SORCS2: variants seen among roughly 807,000 people sequenced by gnomAD.
SORCS2 encodes the protein sortilin related VPS10 domain containing receptor 2.
Under a neutral mutation model 141.6 loss-of-function variants are expected in SORCS2, and 100 were observed. The ratio of observed to expected loss-of-function variants is 0.71; its 90% confidence interval spans 0.60 to 0.83. SORCS2 has a LOEUF of 0.83. SORCS2 is among the 40% of genes least tolerant of loss of function. The pLI, the probability that SORCS2 is intolerant of heterozygous loss-of-function variation, is 0.00. For synonymous variants in SORCS2, 789 were observed against 676.9 expected, an observed-to-expected ratio of 1.17 and a Z score of -2.57; for missense variants, 1,646 against 1,560.2, an observed-to-expected ratio of 1.05 and a Z score of -0.93.
At chr4:7,562,739 T>C (rs182160583) in intron 3 of SORCS2, among the ~76,000 whole-genome samples, 2 of 152,232 alleles carry the variant, frequency 1.3e-5, no homozygotes, top group Non-Finnish European at 2.9e-5. Flanking sequence ...CCCAGGGCAG[T>C]TTCCTTCCTT....
chr4:7,401,894 T>C (rs1203640175), intron 2 of SORCS2, among the ~76,000 whole-genome samples: 1 of 152,134 alleles, frequency 6.6e-6, no homozygotes, highest in Admixed American at 6.5e-5. Context: ...TTTTTCGTTA[T>C]CTTCACTTTA....
At chr4:7,490,197 G>A (rs141706453) in intron 2 of SORCS2, among the ~76,000 whole-genome samples, 162 of 152,250 alleles carry the variant, frequency 1.1e-3, no homozygotes, top group African/African-American at 3.7e-3. Context: ...TCTAAGCATC[G>A]CCTGCCTCTG....
chr4:7,461,482 C>T (rs1203937694), intron 2 of SORCS2, among the ~76,000 whole-genome samples: 3 of 152,338 alleles, frequency 2.0e-5, no homozygotes, highest in South Asian at 2.1e-4. Flanking sequence ...AGCACCCCCG[C>T]GAGCAACATG....
intron 1 of SORCS2, among the ~76,000 whole-genome samples, chr4:7,374,667 C>T (rs1722516555): frequency 6.6e-6 from 1 of 152,164 alleles, no homozygotes; most frequent in African/African-American, 2.4e-5. Flanking sequence ...GAGCTGGGGT[C>T]CCCGATCGCT....
chr4:7,306,241 T>C (rs1344014220), intron 1 of SORCS2, among the ~76,000 whole-genome samples: 1 of 151,998 alleles, frequency 6.6e-6, no homozygotes, highest in African/African-American at 2.4e-5. Flanking sequence ...GAGCCCACAG[T>C]CGGCTGGCTG....
rs77094119 is a variant in SORCS2 at position 7,315,611 on chromosome 4, T to C, written c.481-80677T>C. Among the ~76,000 whole-genome samples, 1,006 of 152,328 alleles carry C rather than the reference T, an allele frequency of 6.6e-3. 10 individuals carry two copies. Among genetic ancestry groups the C allele is most frequent in the African/African-American group, 0.023 (967 of 41,574 alleles). On this transcript the variant is annotated intron_variant, in intron 1 of 26. Coordinates refer to ENST00000507866, the MANE Select transcript of SORCS2 (RefSeq NM_020777.3). ...TCTCTCCCACCCTGTGATTTGCTCA[T>C]GTCCTCTTTCCTCCCAGGAGGATCC...
chr4:7,680,153 C>A (rs988540291), intron 9 of SORCS2, among the ~76,000 whole-genome samples: 1 of 152,240 alleles, frequency 6.6e-6, no homozygotes, highest in African/African-American at 2.4e-5. Flanking sequence ...CCTTCAGCTC[C>A]AGACCACACA....
intron 1 of SORCS2, among the ~76,000 whole-genome samples, chr4:7,337,104 C>T (rs946192068): frequency 1.3e-5 from 2 of 152,150 alleles, no homozygotes; most frequent in African/African-American, 2.4e-5. Flanking sequence ...TGTCATGACC[C>T]ACTCCCGTCT....
At chr4:7,564,002 G>C (rs1714781469) in intron 3 of SORCS2, among the ~76,000 whole-genome samples, 1 of 152,192 alleles carries the variant, frequency 6.6e-6, no homozygotes, top group South Asian at 2.1e-4. Context: ...TTCCTCCTTT[G>C]CTTTCCACAT....
At chr4:7,650,790 C>G (rs1435394156) in intron 4 of SORCS2, among the ~76,000 whole-genome samples, 1 of 148,236 alleles carries the variant, frequency 6.7e-6, no homozygotes, top group African/African-American at 2.5e-5. Context: ...CCTCCTCCAT[C>G]AGCTGCACCT....
At chr4:7,432,802 C>G (rs890983022) in intron 2 of SORCS2, 1 of 152,636 alleles carries the variant, frequency 6.6e-6, no homozygotes, top group Non-Finnish European at 1.5e-5. Flanking sequence ...GCAGCCACCC[C>G]CAGGGACTCC....
intron 2 of SORCS2, among the ~76,000 whole-genome samples, chr4:7,454,575 T>C (rs1728739492): frequency 7.9e-6 from 1 of 126,812 alleles, no homozygotes; most frequent in Non-Finnish European, 1.6e-5. Flanking sequence ...TCAGGAGCTG[T>C]GTGTTGGGGT....
chr4:7,494,004 A>AAC (rs952772179), intron 2 of SORCS2, among the ~76,000 whole-genome samples: 1 of 149,514 alleles, frequency 6.7e-6, no homozygotes. Flanking sequence ...TATACACACA[A>AAC]ACACACACAC....
At chr4:7,409,474 C>T (rs566001626) in intron 2 of SORCS2, among the ~76,000 whole-genome samples, 62 of 152,324 alleles carry the variant, frequency 4.1e-4, no homozygotes, top group South Asian at 1.9e-3. Flanking sequence ...AGAGTTTTCA[C>T]GGCTGGGCTT....
At chr4:7,691,379 G>A (rs947490862) in intron 11 of SORCS2, among the ~76,000 whole-genome samples, 2 of 152,216 alleles carry the variant, frequency 1.3e-5, no homozygotes, top group East Asian at 1.9e-4. Flanking sequence ...AAGGGGGAAC[G>A]TGGGGACCCC....
intron 2 of SORCS2, among the ~76,000 whole-genome samples, chr4:7,409,880 T>C (rs1426367602): frequency 3.5e-4 from 53 of 152,252 alleles, no homozygotes; most frequent in Non-Finnish European, 5.9e-5. Context: ...GCCAGGTTGC[T>C]TCTATGCTAC....
Position 7,298,797 on chromosome 4 carries a change from C to T in SORCS2, c.481-97491C>T, listed in dbSNP as rs995057027. Among the ~76,000 whole-genome samples, 34 of 152,322 alleles carry T rather than the reference C, an allele frequency of 2.2e-4. 1 individual carries two copies. Among genetic ancestry groups the T allele is most frequent in the Admixed American group, 2.1e-3 (32 of 15,306 alleles). On this transcript the variant is annotated intron_variant, in intron 1 of 26. Transcript: ENST00000507866. ...TCCCCGGGCCTAGCTGTGCCCAGGC[C>T]GGGTGCTGGGCCCCTGTTCTGCAAA...
chr4:7,370,892 A>G (rs1722206867), intron 1 of SORCS2, among the ~76,000 whole-genome samples: 1 of 151,800 alleles, frequency 6.6e-6, no homozygotes, highest in Non-Finnish European at 1.5e-5. Flanking sequence ...CGTCCCCTCA[A>G]TCCCCTAGGC....
intron 1 of SORCS2, among the ~76,000 whole-genome samples, chr4:7,242,597 T>C (rs1560134892): frequency 6.6e-6 from 1 of 152,176 alleles, no homozygotes. Flanking sequence ...TGGGCTATCA[T>C]GTCCTTTGCT....
Sources: gnomAD v4.1 joint callset for allele counts (sites outside exome capture counted in the v4.1 genomes callset) on GRCh38, gnomAD v4.1.1 for gene constraint, MANE v1.5 for transcripts, NCBI Gene and HGNC (gene_info 2026-07-23, HGNC 2026-07-21) for gene names.